The following NUP88 variants were observed in gnomAD, a reference collection of about 807,000 sequenced individuals.
NUP88 encodes nuclear pore complex protein Nup88.
Under a neutral mutation model 93.9 loss-of-function variants are expected in NUP88, and 57 were observed. The ratio of observed to expected loss-of-function variants is 0.61; its 90% CI spans 0.49 to 0.76. NUP88 has a LOEUF of 0.76. Among genes scored for constraint, NUP88 ranks in the 30% least tolerant of loss-of-function variants. NUP88 has a pLI of 0.00. For missense variants in NUP88, 911 were observed against 901.0 expected, an observed-to-expected ratio of 1.01 and a Z score of -0.14; for synonymous variants, 346 against 336.8, an observed-to-expected ratio of 1.03 and a Z score of -0.30.
intron 8 of NUP88, among the ~76,000 whole-genome samples, chr17:5,399,275 T>G (rs1157848702): frequency 2.7e-5 from 4 of 149,742 alleles, no homozygotes; most frequent in Non-Finnish European, 3.0e-5. Context: ...TTGGAATTTG[T>G]CCATTCCATC....
chr17:5,409,014 G>A, intron 4 of NUP88, 105 bp from the exon 5 acceptor site: 2 of 894,370 alleles, frequency 2.2e-6, no homozygotes, highest in Non-Finnish European at 3.3e-6. Flanking sequence ...ACAGGAGGTG[G>A]GTATGTATGG....
intron 8 of NUP88, among the ~76,000 whole-genome samples, chr17:5,396,703 G>GAATAAT (rs1912797981): frequency 6.6e-6 from 1 of 152,174 alleles, no homozygotes; most frequent in Non-Finnish European, 1.5e-5. Context: ...TTGAGGAACT[G>GAATAAT]CCAGATTGTT....
At position 5,387,297 on chromosome 17, in the gene NUP88, T is replaced by TAGGTA; in HGVS notation, c.1916+84_1916+88dup. 3.8e-6 allele frequency: 5 copies of TAGGTA among 1,298,928 alleles called. No individual in the cohort carries two copies. In the South Asian group the frequency reaches 6.1e-5, roughly 16 times the overall value. 80.5% of individuals were successfully genotyped at this position (1,298,928 alleles called of 1,614,324 possible). On this transcript the variant is annotated intron_variant, in intron 14 of 16. Coordinates refer to ENST00000573584, the MANE Select transcript of NUP88 (RefSeq NM_002532.6). ...AGGCAGGGGGATCAGTTCAGTTCCG[T>TAGGTA]AGGTATGTAAGCACCTGCCAATGCC...
rs527770350 is a variant in NUP88, at chr17:5,398,409, C to T, written c.1291+1143G>A. On this transcript the variant is annotated intron_variant, in intron 8 of 16. Coordinates refer to ENST00000573584, the MANE Select transcript of NUP88 (RefSeq NM_002532.6). ...GTTCAAGCGATTCTCCTGCCTCAGCCTCCAGAGTAGCAGGGATTATAGGCG... is the reference window on the plus strand; with the variant it reads ...GTTCAAGCGATTCTCCTGCCTCAGCTTCCAGAGTAGCAGGGATTATAGGCG... Among the ~76,000 whole-genome samples the T allele has an allele frequency of 3.2e-4, 48 of 151,948 alleles. No homozygotes were observed. The South Asian group carries it at 8.3e-3, about 26-fold the overall frequency.
chr17:5,400,762 C>T (rs752122224), intron 7 of NUP88, among the ~76,000 whole-genome samples: 23 of 152,146 alleles, frequency 1.5e-4, no homozygotes, highest in Non-Finnish European at 4.4e-5. Context: ...TTTAACACAA[C>T]GGCTCAGGGA....
intron 1 of NUP88, among the ~76,000 whole-genome samples, chr17:5,417,837 TCAAAA>T (rs1208751851): frequency 1.4e-5 from 2 of 143,836 alleles, no homozygotes; most frequent in Non-Finnish European, 1.5e-5. Context: ...AGATCCTGCC[TCAAAA>T]CAAAACAAAA....
chr17:5,404,036 G>C (rs1035319995), intron 7 of NUP88, 63 bp downstream of exon 7: 2 of 1,493,330 alleles, frequency 1.3e-6, no homozygotes, highest in Non-Finnish European at 1.9e-6. Context: ...CATAGGAACA[G>C]TCTATGATAG....
intron 3 of NUP88, 84 bp downstream of exon 3, chr17:5,413,925 T>A: frequency 6.9e-7 from 1 of 1,439,728 alleles, no homozygotes; most frequent in Non-Finnish European, 9.6e-7. Context: ...ATGACTCACT[T>A]CGTTCTATGT....
Position 5,419,431 on chromosome 17 carries a change from C to T in NUP88, c.220G>A (p.Glu74Lys). ...LGGELFLWDG[E>K]DSSFLVVRLR... Reference sequence around the variant, plus strand: ...CGAACGACTAAGAAGGAGCTGTCTTCTCCGTCCCACAGGAAAAGCTCTCCG... The same window carrying T: ...CGAACGACTAAGAAGGAGCTGTCTTTTCCGTCCCACAGGAAAAGCTCTCCG... The change falls in exon 1 of 17, where the codon GAA becomes AAA. Residue 74 changes from glutamate (E) to lysine (K), a missense_variant. By Grantham distance (56) the Glu-to-Lys change is moderately conservative. Coordinates refer to ENST00000573584, the MANE Select transcript of NUP88 (RefSeq NM_002532.6). The T allele has an allele frequency of 6.2e-7, 1 of 1,613,914 alleles. No homozygotes were observed. Among genetic ancestry groups the T allele is most frequent in the South Asian group, 1.1e-5 (1 of 91,084 alleles).
At chr17:5,387,221 GA>G (rs1364566880) in intron 14 of NUP88, 111 bp from the exon 15 acceptor site, 28 of 1,349,346 alleles carry the variant, frequency 2.1e-5, no homozygotes, top group Non-Finnish European at 2.8e-5. Context: ...GGCCCCATAG[GA>G]AGGGTTAGGG....
rs1458673748 is a variant in NUP88, at chr17:5,404,052, G to C, written c.1192+47C>G. The stretch of plus-strand genomic sequence containing the variant: ...ATAGGAACAGTCTATGATAGTCTTA[G>C]TATAAAAATCATGGGAAAAAAGCAC... On this transcript the variant is annotated intron_variant, in intron 7 of 16. Coordinates refer to ENST00000573584, the MANE Select transcript of NUP88 (RefSeq NM_002532.6). 4.5e-6 allele frequency: 7 copies of C among 1,562,772 alleles called. No individual in the cohort carries two copies. The East Asian group carries it at 1.6e-4, about 35-fold the overall frequency.
At chr17:5,403,956 A>G (rs1913326479) in intron 7 of NUP88, 143 bp downstream of exon 7, 1 of 751,248 alleles carries the variant, frequency 1.3e-6, no homozygotes, top group Non-Finnish European at 2.1e-6. Flanking sequence ...AAAGTGTACT[A>G]TAGTGACTAA....
rs1185754620 is a variant in NUP88, at chr17:5,410,780, T to C, written c.603A>G (p.Ser201=). The change falls in exon 4 of 17, where the codon TCA becomes TCG. Residue 201 remains serine, a synonymous_variant. Transcript: ENST00000573584. ...TAGTGGGTGTCTGCGGCTCACGTAG[T>C]GAGTAAATTCTAGCAACCAAAAGAG... ...LTSDNVIRIY[S]LREPQTPTNV... is the part of the protein sequence containing the mutation. 1.2e-6 allele frequency: 2 copies of C among 1,603,040 alleles called. No homozygotes were observed. Among genetic ancestry groups the C allele is most frequent in the Non-Finnish European group, 1.7e-6 (2 of 1,175,494 alleles).
intron 1 of NUP88, among the ~76,000 whole-genome samples, chr17:5,418,642 TATTAAA>T (rs1337803705): frequency 1.3e-5 from 2 of 152,204 alleles, no homozygotes; most frequent in African/African-American, 4.8e-5. Flanking sequence ...GCTAGCGTCT[TATTAAA>T]ATTAAATCAC....
chr17:5,413,071 C>A (rs1567577034), intron 3 of NUP88, among the ~76,000 whole-genome samples: 1 of 152,246 alleles, frequency 6.6e-6, no homozygotes, highest in Non-Finnish European at 1.5e-5. Context: ...TACTCTGTCA[C>A]CCAGGCTGCA....
chr17:5,393,141 G>C (rs181180177), intron 9 of NUP88, among the ~76,000 whole-genome samples: 2 of 151,822 alleles, frequency 1.3e-5, no homozygotes, highest in Admixed American at 6.6e-5. Context: ...TATTTTAGTA[G>C]AGACGGGGTT....
intron 8 of NUP88, among the ~76,000 whole-genome samples, chr17:5,398,391 C>T (rs60553852): frequency 0.44 from 66,249 of 151,430 alleles, 15,214 homozygotes; most frequent in East Asian, 0.84. Flanking sequence ...TGGGTTCAAG[C>T]GATTCTCCTG....
chr17:5,385,217 G>A lies in NUP88; in HGVS notation c.*989C>T, dbSNP rs909751991. On this transcript the variant is annotated 3_prime_UTR_variant, in exon 17 of 17. Coordinates refer to ENST00000573584, the MANE Select transcript of NUP88 (RefSeq NM_002532.6). The stretch of plus-strand genomic sequence containing the variant: ...TGTTTCTGGTATGAAACAAACTACT[G>A]TGTCACTGTCCAGGTAGGAAACAAT... 1 of 230,354 alleles carries A rather than the reference G, an allele frequency of 4.3e-6. No homozygotes were observed. The highest frequency in any genetic ancestry group is 8.6e-6 in the Non-Finnish European group (1 of 116,304). 14.3% of individuals were successfully genotyped at this position (230,354 alleles called of 1,614,324 possible). A position where few individuals can be genotyped will look rare whatever the true frequency, so the allele number is the denominator to read the frequency against.
intron 8 of NUP88, among the ~76,000 whole-genome samples, chr17:5,398,938 G>C (rs1435439090): frequency 6.7e-6 from 1 of 148,834 alleles, no homozygotes; most frequent in Non-Finnish European, 1.5e-5. Flanking sequence ...GCCCAGGCTG[G>C]AGTGCAGTGG....
Sources: allele counts gnomAD v4.1 joint callset (sites outside exome capture counted in the v4.1 genomes callset), GRCh38; gene constraint gnomAD v4.1.1; transcripts MANE v1.5; gene names NCBI Gene and HGNC (gene_info 2026-07-23, HGNC 2026-07-21).